The following CTPS2 variants were observed in gnomAD, a reference collection of about 807,000 sequenced individuals.
CTPS2 encodes CTP synthase II.
A neutral mutation model predicts 46.8 loss-of-function variants in CTPS2; 19 were observed. The observed-to-expected ratio is 0.41, with a 90% CI of 0.28 to 0.60. The LOEUF (loss-of-function observed/expected upper bound fraction) is 0.60. Ranked by LOEUF, CTPS2 falls within the 20% of genes least tolerant of loss-of-function variation. CTPS2 has a pLI of 0.35. For synonymous variants in CTPS2, 151 were observed against 165.2 expected (o/e 0.91, Z 0.66); for missense variants, 286 against 447.6 (o/e 0.64, Z 3.26).
intron 13 of CTPS2, among the ~76,000 whole-genome samples, chrX:16,645,194 C>T (rs993578410): frequency 6.5e-5 from 7 of 107,757 alleles, no homozygotes; most frequent in Non-Finnish European, 1.3e-4. Flanking sequence ...GGGGTTTCAC[C>T]GTGTTAGCCA....
At chrX:16,649,852 T>C (rs1464692737) in intron 13 of CTPS2, among the ~76,000 whole-genome samples, 1 of 111,983 alleles carries the variant, frequency 8.9e-6, no homozygotes, top group East Asian at 2.8e-4. Flanking sequence ...GCAACTAAAT[T>C]GAAAAGAATC....
intron 11 of CTPS2, among the ~76,000 whole-genome samples, chrX:16,669,427 G>C (rs1921534053): frequency 9.2e-6 from 1 of 109,222 alleles, no homozygotes; most frequent in African/African-American, 3.3e-5. Flanking sequence ...CTGGGGGGTG[G>C]GGGTGGCGGT....
At chrX:16,629,901 G>A (rs775681441) in intron 14 of CTPS2, among the ~76,000 whole-genome samples, 12 of 112,137 alleles carry the variant, frequency 1.1e-4, no homozygotes, top group Non-Finnish European at 2.1e-4. Context: ...AGAACTGGTC[G>A]TTTTAGTCAA....
intron 17 of CTPS2, among the ~76,000 whole-genome samples, chrX:16,605,829 C>G (rs1929942855): frequency 8.8e-6 from 1 of 112,998 alleles, no homozygotes; most frequent in Non-Finnish European, 1.9e-5. Context: ...CTAAACAAGA[C>G]TCTTATTTTG....
At chrX:16,596,199 T>A (rs186659371) in intron 17 of CTPS2, among the ~76,000 whole-genome samples, 1,892 of 108,575 alleles carry the variant, frequency 0.017, 29 homozygotes, top group African/African-American at 0.059. Context: ...TTTTTTTTTT[T>A]ATTATTATAC....
chrX:16,607,207 C>T (rs1930024425), intron 17 of CTPS2, among the ~76,000 whole-genome samples: 1 of 113,070 alleles, frequency 8.8e-6, no homozygotes, highest in African/African-American at 3.2e-5. Context: ...TCCCAGCCAT[C>T]TAACTTGTCC....
Position 16,663,899 on chromosome X carries a change from A to C in CTPS2, c.1296+3615T>G, listed in dbSNP as rs189415334. Among the ~76,000 whole-genome samples the C allele has an allele frequency of 8.4e-3, 926 of 110,562 alleles. 16 individuals carry two copies. The highest frequency in any genetic ancestry group is 0.029 in the African/African-American group (886 of 30,369). ...CACCCAGGCTGGAGTACAGTGGTGC[A>C]ATCTCGGCTCACTGGAAGCTCTGCC... is the stretch of plus-strand genomic sequence containing the variant. On this transcript the variant is annotated intron_variant, in intron 13 of 18. Transcript: ENST00000359276.
chrX:16,699,061 C>A lies in CTPS2; in HGVS notation c.199G>T (p.Val67Phe). The change falls in exon 3 of 19, where the codon GTT (valine) becomes TTT (phenylalanine). Residue 67 changes from valine to phenylalanine, a missense_variant. Coordinates refer to ENST00000359276, the MANE Select transcript of CTPS2 (RefSeq NM_175859.3). Reference sequence around the variant, plus strand: ...TCATAATTTCCAAGGTCTAAATCAACTTCTCCACCATCATTTAAGACGAAG... The same window carrying A: ...TCATAATTTCCAAGGTCTAAATCAAATTCTCCACCATCATTTAAGACGAAG... ...EVFVLNDGGEVDLDLGNYERF... is the reference protein window; with the variant it reads ...EVFVLNDGGEFDLDLGNYERF... The A allele has an allele frequency of 8.5e-7, 1 of 1,174,691 alleles. No individual in the cohort carries two copies. The highest frequency in any genetic ancestry group is 2.5e-5 in the Admixed American group (1 of 40,184).
At chrX:16,598,539 C>G (rs1294729721) in intron 17 of CTPS2, among the ~76,000 whole-genome samples, 3 of 111,773 alleles carry the variant, frequency 2.7e-5, no homozygotes, top group Non-Finnish European at 5.6e-5. Flanking sequence ...AGACCAATAA[C>G]AGGAGCTGAA....
At chrX:16,599,557 A>G (rs1929523826) in intron 17 of CTPS2, among the ~76,000 whole-genome samples, 2 of 104,625 alleles carry the variant, frequency 1.9e-5, no homozygotes, top group South Asian at 8.7e-4. Context: ...GCTCACCACA[A>G]TCTTCACCTC....
At position 16,588,524 on chromosome X, in the gene CTPS2, A is replaced by T. The variant is rs1185726991; in HGVS notation, c.*1293T>A. ...TTTGTGATCAGTGGGAATGCATGAA[A>T]AAATGCTCTAGTGGGGGTGAGCCAA... On this transcript the variant is annotated 3_prime_UTR_variant, in exon 19 of 19. Transcript: ENST00000359276. The T allele has an allele frequency of 3.6e-5, 3 of 83,628 alleles. No individual in the cohort carries two copies. Among genetic ancestry groups the T allele is most frequent in the Non-Finnish European group, 6.9e-5 (3 of 43,601 alleles). 6.9% of individuals were successfully genotyped at this position (83,628 alleles called of 1,213,427 possible).
intron 14 of CTPS2, among the ~76,000 whole-genome samples, chrX:16,622,150 A>G (rs898746248): frequency 1.8e-5 from 2 of 110,934 alleles, no homozygotes; most frequent in Non-Finnish European, 3.8e-5. Flanking sequence ...CACACCTGTA[A>G]TCCCAGCACT....
chrX:16,683,117 T>C lies in CTPS2; in HGVS notation c.982A>G (p.Ile328Val), dbSNP rs760860238. The C allele has an allele frequency of 7.4e-6, 9 of 1,209,610 alleles. No individual in the cohort carries two copies. Among genetic ancestry groups the C allele is most frequent in the Non-Finnish European group, 8.9e-6 (8 of 895,175 alleles). The change falls in exon 9 of 19, where the codon ATC (isoleucine) becomes GTC (valine). Residue 328 changes from isoleucine (I) to valine (V), a missense_variant. Ile to Val is a conservative substitution (Grantham distance 29). Coordinates refer to ENST00000359276, the MANE Select transcript of CTPS2 (RefSeq NM_175859.3). ...FKALEHSALA[I>V]NHKLNLMYID... ...ACCATCAGATTCAACTTGTGGTTGA[T>C]GGCCAGGGCTGAGTGTTCCAGGGCT...
chrX:16,701,670 C>T (rs1423667827), intron 2 of CTPS2, among the ~76,000 whole-genome samples: 2 of 106,765 alleles, frequency 1.9e-5, no homozygotes, highest in East Asian at 3.1e-4. Context: ...GGCGCAATCT[C>T]GGCTCACTGC....
At chrX:16,630,276 A>C (rs1470851429) in intron 14 of CTPS2, among the ~76,000 whole-genome samples, 1 of 94,412 alleles carries the variant, frequency 1.1e-5, no homozygotes, top group Non-Finnish European at 2.1e-5. Flanking sequence ...TTTTTTTGAC[A>C]CAGAGTCTTG....
intron 10 of CTPS2, among the ~76,000 whole-genome samples, chrX:16,675,590 A>G (rs1922201301): frequency 8.9e-6 from 1 of 112,353 alleles, no homozygotes; most frequent in Admixed American, 9.5e-5. Flanking sequence ...TATCATTGTT[A>G]TGCAAAATTG....
chrX:16,699,230 G>A (rs5980324), intron 2 of CTPS2, 137 bp from the exon 3 acceptor site: 185,211 of 392,015 alleles, frequency 0.47, 33,491 homozygotes, highest in African/African-American at 0.86. Flanking sequence ...TTTTGGTGGA[G>A]ATATTAACAA....
At chrX:16,659,735 G>C (rs1932900901) in intron 13 of CTPS2, among the ~76,000 whole-genome samples, 1 of 111,751 alleles carries the variant, frequency 8.9e-6, no homozygotes, top group South Asian at 3.7e-4. Context: ...ACTTCACGTA[G>C]TTACTGTTGT....
At chrX:16,639,818 A>AAAG (rs1441914813) in intron 13 of CTPS2, among the ~76,000 whole-genome samples, 2 of 109,911 alleles carry the variant, frequency 1.8e-5, no homozygotes, top group East Asian at 5.7e-4. Context: ...AGAAAGAAAG[A>AAAG]AAGAAAGAAA....
Sources: gnomAD v4.1 joint callset for allele counts (sites outside exome capture counted in the v4.1 genomes callset) on GRCh38, gnomAD v4.1.1 for gene constraint, MANE v1.5 for transcripts, NCBI Gene and HGNC (gene_info 2026-07-23, HGNC 2026-07-21) for gene names.